ZNF804A: variants seen among roughly 807,000 people sequenced by gnomAD.
ZNF804A encodes the protein zinc finger protein 804A.
A neutral mutation model predicts 16.5 loss-of-function variants in ZNF804A; 2 were observed. The observed-to-expected ratio is 0.12, with a 90% CI of 0.05 to 0.38. The LOEUF (loss-of-function observed/expected upper bound fraction) is 0.38. Among genes scored for constraint, ZNF804A ranks in the 10% least tolerant of loss-of-function variants. The probability of loss-of-function intolerance (pLI) is 0.99; values close to 1 mark genes in which losing one functional copy is unlikely to be tolerated. For synonymous variants in ZNF804A, 534 were observed against 489.6 expected, an observed-to-expected ratio of 1.09 and a Z score of -1.20; for missense variants, 1,473 against 1,390.7, an observed-to-expected ratio of 1.06 and a Z score of -0.94.
At chr2:184,643,608 A>G (rs1046653962) in intron 1 of ZNF804A, among the ~76,000 whole-genome samples, 2 of 151,938 alleles carry the variant, frequency 1.3e-5, no homozygotes, top group Non-Finnish European at 2.9e-5. Context: ...CAGAATCAAG[A>G]AACACTTTAT....
chr2:184,866,282 A>G (rs1179424587), intron 1 of ZNF804A, 87 bp from the exon 2 acceptor site: 21 of 1,232,196 alleles, frequency 1.7e-5, no homozygotes, highest in Non-Finnish European at 2.3e-5. Flanking sequence ...TCTAACTCTA[A>G]TTATTGTACT....
At chr2:184,909,176 A>G (rs994573646) in intron 2 of ZNF804A, among the ~76,000 whole-genome samples, 1 of 152,116 alleles carries the variant, frequency 6.6e-6, no homozygotes, top group Admixed American at 6.6e-5. Context: ...TTTTCAACAG[A>G]CAGCAACAAT....
At chr2:184,693,929 CTTT>C (rs34131171) in intron 1 of ZNF804A, among the ~76,000 whole-genome samples, 6 of 121,202 alleles carry the variant, frequency 5.0e-5, no homozygotes, top group Admixed American at 1.7e-4. Context: ...CTAACTTAGT[CTTT>C]TTTTTTTTTT....
intron 1 of ZNF804A, among the ~76,000 whole-genome samples, chr2:184,611,867 T>C (rs1408230407): frequency 6.6e-6 from 1 of 152,230 alleles, no homozygotes; most frequent in Non-Finnish European, 1.5e-5. Context: ...CACCTAGTAA[T>C]TATTTTTGGC....
intron 1 of ZNF804A, among the ~76,000 whole-genome samples, chr2:184,657,977 C>A (rs141198800): frequency 6.6e-6 from 1 of 152,096 alleles, no homozygotes; most frequent in African/African-American, 2.4e-5. Flanking sequence ...CTGCTCAATA[C>A]GATTGTCAAA....
At chr2:184,841,021 G>A (rs534729158) in intron 1 of ZNF804A, among the ~76,000 whole-genome samples, 1 of 152,216 alleles carries the variant, frequency 6.6e-6, no homozygotes, top group South Asian at 2.1e-4. Context: ...ATTCATGAAG[G>A]TTTTCAGTTA....
intron 1 of ZNF804A, among the ~76,000 whole-genome samples, chr2:184,853,748 C>T (rs1288284321): frequency 6.6e-6 from 1 of 151,636 alleles, no homozygotes; most frequent in African/African-American, 2.4e-5. Context: ...TAAATCTCAA[C>T]TGATCTTGGT....
At chr2:184,859,919 G>A (rs1197510917) in intron 1 of ZNF804A, among the ~76,000 whole-genome samples, 1 of 152,212 alleles carries the variant, frequency 6.6e-6, no homozygotes, top group African/African-American at 2.4e-5. Context: ...TGGCACCGGG[G>A]TGGGCCATGA....
chr2:184,923,784 T>A (rs1685568607), intron 2 of ZNF804A, among the ~76,000 whole-genome samples: 1 of 152,030 alleles, frequency 6.6e-6, no homozygotes, highest in Non-Finnish European at 1.5e-5. Flanking sequence ...TATCAAACAC[T>A]TTTTCAGCAT....
intron 1 of ZNF804A, among the ~76,000 whole-genome samples, chr2:184,769,079 T>C (rs1057031784): frequency 1.3e-5 from 2 of 152,098 alleles, no homozygotes; most frequent in Admixed American, 6.6e-5. Flanking sequence ...CTTTCATGTC[T>C]TGTGTAGAGG....
chr2:184,726,502 G>C (rs533248061), intron 1 of ZNF804A, among the ~76,000 whole-genome samples: 125 of 149,882 alleles, frequency 8.3e-4, no homozygotes, highest in African/African-American at 3.0e-3. Context: ...AATTCAGAGA[G>C]AAAAAAAAAT....
intron 1 of ZNF804A, among the ~76,000 whole-genome samples, chr2:184,687,368 A>G (rs899325760): frequency 6.6e-6 from 1 of 152,194 alleles, no homozygotes; most frequent in Non-Finnish European, 1.5e-5. Context: ...AAAGATCAGT[A>G]CCACTTATTT....
intron 1 of ZNF804A, among the ~76,000 whole-genome samples, chr2:184,741,133 G>T (rs541388122): frequency 7.2e-5 from 11 of 152,160 alleles, no homozygotes; most frequent in Non-Finnish European, 1.3e-4. Flanking sequence ...ATGTTCCCAA[G>T]ATTATCCTCA....
At chr2:184,819,957 A>G (rs747830615) in intron 1 of ZNF804A, among the ~76,000 whole-genome samples, 14 of 152,098 alleles carry the variant, frequency 9.2e-5, no homozygotes, top group African/African-American at 1.9e-4. Context: ...GCCCATGACC[A>G]GATGGATTTA....
chr2:184,855,289 T>C (rs1695668799), intron 1 of ZNF804A, among the ~76,000 whole-genome samples: 1 of 152,062 alleles, frequency 6.6e-6, no homozygotes, highest in Non-Finnish European at 1.5e-5. Context: ...ATCCTACCAG[T>C]ACATTATTGC....
At chr2:184,640,793 A>C (rs1691783387) in intron 1 of ZNF804A, among the ~76,000 whole-genome samples, 1 of 152,176 alleles carries the variant, frequency 6.6e-6, no homozygotes. Flanking sequence ...TAATGGCTTT[A>C]AGCAAACGAA....
intron 1 of ZNF804A, among the ~76,000 whole-genome samples, chr2:184,654,358 T>G (rs990844): frequency 0.11 from 16,622 of 152,040 alleles, 1,174 homozygotes; most frequent in Non-Finnish European, 0.16. Context: ...CTTTTTCTGG[T>G]TGGTTCTGAG....
chr2:184,785,338 G>A (rs978087240), intron 1 of ZNF804A, among the ~76,000 whole-genome samples: 3 of 151,926 alleles, frequency 2.0e-5, no homozygotes, highest in African/African-American at 2.4e-5. Flanking sequence ...CTGTGATTAA[G>A]TGTGCTTAAG....
At chr2:184,794,854 C>G (rs1694606911) in intron 1 of ZNF804A, among the ~76,000 whole-genome samples, 1 of 151,296 alleles carries the variant, frequency 6.6e-6, no homozygotes, top group Non-Finnish European at 1.5e-5. Context: ...CAGGCCTTTT[C>G]TAACAGGGAA....
Sources: allele counts gnomAD v4.1 joint callset (sites outside exome capture counted in the v4.1 genomes callset), GRCh38; gene constraint gnomAD v4.1.1; transcripts MANE v1.5; gene names NCBI Gene and HGNC (gene_info 2026-07-23, HGNC 2026-07-21).